SLC25A19: variants seen among roughly 807,000 people sequenced by gnomAD.
SLC25A19 encodes the protein solute carrier family 25 member 19, also known as mitochondrial thiamine pyrophosphate carrier.
A neutral mutation model predicts 27.9 loss-of-function variants in SLC25A19; 18 were observed. That is an observed-to-expected ratio of 0.64 (90% CI 0.45 to 0.96). The LOEUF (loss-of-function observed/expected upper bound fraction) is 0.96, where lower values mean the gene tolerates loss of function less well. Ranked by LOEUF, SLC25A19 falls within the 40% of genes least tolerant of loss-of-function variation. The probability of loss-of-function intolerance (pLI) is 0.00; values close to 1 mark genes in which losing one functional copy is unlikely to be tolerated. For synonymous variants in SLC25A19, 169 were observed against 167.1 expected (o/e 1.01, Z -0.09); for missense variants, 371 against 418.3 (o/e 0.89, Z 0.99).
chr17:75,277,342 G>A lies in SLC25A19; in HGVS notation c.774+11C>T, dbSNP rs1316957114. The A allele has an allele frequency of 1.2e-6, 2 of 1,612,582 alleles. No homozygotes were observed. The highest frequency in any genetic ancestry group is 1.7e-6 in the Non-Finnish European group (2 of 1,179,620). ...GGGTCAGAGCTGTCTGCCTGGGAGT[G>A]AACGGCTCACCTGGCCAAAGGCAGC... is the stretch of plus-strand genomic sequence containing the variant. On this transcript the variant is annotated intron_variant, in intron 7 of 7. Coordinates refer to ENST00000416858, the MANE Select transcript of SLC25A19 (RefSeq NM_001126121.2).
In SLC25A19 at chr17:75,278,234, G is replaced by C. The variant is rs750475474; in HGVS notation, c.561C>G (p.Pro187=). The change falls in exon 6 of 8, where the codon CCC becomes CCG. Residue 187 remains proline, a synonymous_variant. Transcript: ENST00000416858. ...GLAPTLIAIF[P]YAGLQFSCYS... is the part of the protein sequence containing the mutation. The stretch of plus-strand genomic sequence containing the variant: ...AGCAAGAGAACTGCAGCCCGGCGTA[G>C]GGGAAGATGGCGATCAAGGTGGGAG... 3 of 1,614,112 alleles carry C rather than the reference G, an allele frequency of 1.9e-6. No individual in the cohort carries two copies. The East Asian group carries it at 6.7e-5, about 36-fold the overall frequency.
intron 5 of SLC25A19, 43 bp downstream of exon 5, chr17:75,283,380 C>T: frequency 6.2e-7 from 1 of 1,601,628 alleles, no homozygotes; most frequent in Non-Finnish European, 8.5e-7. Flanking sequence ...GTGACAACAC[C>T]TTCCTTATTT....
rs2077789075 is a variant in SLC25A19, at chr17:75,273,759, A to AACT, written c.775-121_775-120insAGT. ...ACAAAGAAATGAATGCAAAATAGCA[A>AACT]ATTATTTTATTTTTTCGTTGAGGCA... On this transcript the variant is annotated intron_variant, in intron 7 of 7. Transcript: ENST00000416858. 8 of 656,838 alleles carry AACT rather than the reference A, an allele frequency of 1.2e-5. No homozygotes were observed. In the Admixed American group the frequency reaches 2.7e-4, roughly 22 times the overall value. 40.7% of individuals were successfully genotyped at this position (656,838 alleles called of 1,614,324 possible). A position where few individuals can be genotyped will look rare whatever the true frequency, so the allele number is the denominator to read the frequency against.
At chr17:75,273,666 T>C (rs549698689) in intron 7 of SLC25A19, 27 bp from the exon 8 acceptor site, 17 of 1,606,422 alleles carry the variant, frequency 1.1e-5, no homozygotes, top group Non-Finnish European at 1.3e-5. Flanking sequence ...GATGAAAATA[T>C]GGATGCCCGC....
At position 75,273,359 on chromosome 17, in the gene SLC25A19, A is replaced by G; in HGVS notation, c.*92T>C. On this transcript the variant is annotated 3_prime_UTR_variant, in exon 8 of 8. Transcript: ENST00000416858. ...ACCCCGCTTGGGGCAGCTGGCCTGC[A>G]GGGAAGGGCCAGACGGCACCTCTCA... is the stretch of plus-strand genomic sequence containing the variant. The G allele has an allele frequency of 7.0e-7, 1 of 1,432,516 alleles. No individual in the cohort carries two copies. The highest frequency in any genetic ancestry group is 2.0e-5 in the Admixed American group (1 of 51,122). The allele number at this position is 1,432,516 out of a possible 1,614,324, so 88.7% of individuals were successfully genotyped here.
intron 2 of SLC25A19, chr17:75,287,068 A>C: frequency 2.8e-6 from 1 of 360,364 alleles, no homozygotes; most frequent in South Asian, 2.3e-5. Context: ...AATAAAATAA[A>C]ATAGCACTTG....
At chr17:75,273,803 C>G (rs2077791527) in intron 7 of SLC25A19, 164 bp from the exon 8 acceptor site, 1 of 681,006 alleles carries the variant, frequency 1.5e-6, no homozygotes, top group South Asian at 1.7e-5. Flanking sequence ...CTCTGTTGCC[C>G]AGGCTGGAAT....
chr17:75,285,864 G>A (rs544518891), intron 4 of SLC25A19, among the ~76,000 whole-genome samples: 19 of 152,322 alleles, frequency 1.2e-4, no homozygotes, highest in Middle Eastern at 3.4e-3. Flanking sequence ...AACGAAGCAT[G>A]AGTTCTAACC....
chr17:75,276,270 C>T (rs2077884332), intron 7 of SLC25A19, among the ~76,000 whole-genome samples: 1 of 152,164 alleles, frequency 6.6e-6, no homozygotes. Flanking sequence ...AGCAAAACTC[C>T]GTTTCAAAAC....
In SLC25A19 at chr17:75,273,022, G is replaced by C. The variant is rs1945074839; in HGVS notation, c.*429C>G. On this transcript the variant is annotated 3_prime_UTR_variant, in exon 8 of 8. Coordinates refer to ENST00000416858, the MANE Select transcript of SLC25A19 (RefSeq NM_001126121.2). ...GTTTAGCTTTAATGTCTATTAAATAGGTTGGAAAAACAGGCCAAGTGTAGG... is the reference window on the plus strand; with the variant it reads ...GTTTAGCTTTAATGTCTATTAAATACGTTGGAAAAACAGGCCAAGTGTAGG... The C allele has an allele frequency of 3.1e-6, 1 of 325,100 alleles. No homozygotes were observed. The highest frequency in any genetic ancestry group is 2.1e-5 in the African/African-American group (1 of 46,514). The allele number at this position is 325,100 out of a possible 1,614,324, so 20.1% of individuals were successfully genotyped here.
rs573154434 is a variant in SLC25A19, at chr17:75,276,002, A to G, written c.774+1351T>C. On this transcript the variant is annotated intron_variant, in intron 7 of 7. Coordinates refer to ENST00000416858, the MANE Select transcript of SLC25A19 (RefSeq NM_001126121.2). ...TATATATATATATATGGCTGGGCAC[A>G]GTGGCTCATGCCTGTAATCCCAGCA... is the stretch of plus-strand genomic sequence containing the variant. Among the ~76,000 whole-genome samples, 27 of 147,756 alleles carry G rather than the reference A, an allele frequency of 1.8e-4. No individual in the cohort carries two copies. In the South Asian group the frequency reaches 5.7e-3, roughly 31 times the overall value.
At chr17:75,273,981 T>C (rs909380075) in intron 7 of SLC25A19, 37 of 339,438 alleles carry the variant, frequency 1.1e-4, no homozygotes, top group African/African-American at 7.3e-4. Flanking sequence ...AGGCTGGTCT[T>C]GAACTCCTGA....
intron 7 of SLC25A19, among the ~76,000 whole-genome samples, chr17:75,275,181 C>T (rs1471881559): frequency 2.6e-5 from 4 of 151,366 alleles, no homozygotes; most frequent in Non-Finnish European, 4.4e-5. Context: ...TTTGTAGAGA[C>T]GGGGTCTTGC....
rs377365568 is a variant in SLC25A19, at chr17:75,278,446, T to C, written c.460-111A>G. Reference sequence around the variant, plus strand: ...AAATACCAGCTACCAGGAGCGAAACTCCTCCTGCCAGGAAGACAGTCAAGG... The same window carrying C: ...AAATACCAGCTACCAGGAGCGAAACCCCTCCTGCCAGGAAGACAGTCAAGG... On this transcript the variant is annotated intron_variant, in intron 5 of 7. Transcript: ENST00000416858. 3.8e-4 allele frequency: 458 copies of C among 1,200,736 alleles called. 3 individuals carry two copies. The highest frequency in any genetic ancestry group is 3.2e-3 in the South Asian group (251 of 79,556). 74.4% of individuals were successfully genotyped at this position (1,200,736 alleles called of 1,614,324 possible).
Position 75,286,371 on chromosome 17 carries a change from C to CCCT in SLC25A19, c.218_220dup (p.Glu73dup). On this transcript the variant is annotated inframe_insertion, in exon 4 of 8. Coordinates refer to ENST00000416858, the MANE Select transcript of SLC25A19 (RefSeq NM_001126121.2). ...GTGTCCTTTCCAGAAAGCTGTCGGA[C>CCCT]CCTCCTCCTGCAGAATCTGCCTAGA... is the stretch of plus-strand genomic sequence containing the variant. 5 of 1,614,148 alleles carry CCCT rather than the reference C, an allele frequency of 3.1e-6. No individual in the cohort carries two copies. The highest frequency in any genetic ancestry group is 4.2e-6 in the Non-Finnish European group (5 of 1,180,036).
At chr17:75,284,633 CTTTTT>C (rs1555604197) in intron 4 of SLC25A19, among the ~76,000 whole-genome samples, 1 of 112,292 alleles carries the variant, frequency 8.9e-6, no homozygotes, top group African/African-American at 3.4e-5. Context: ...TCAGATCTTT[CTTTTT>C]TTTTTTTTTT....
chr17:75,280,940 A>C (rs1363846629), intron 5 of SLC25A19, among the ~76,000 whole-genome samples: 1 of 147,880 alleles, frequency 6.8e-6, no homozygotes, highest in Non-Finnish European at 1.5e-5. Context: ...AAAACAAACA[A>C]ACAACAACCA....
chr17:75,286,236 C>A (rs1418041319), intron 4 of SLC25A19, 68 bp downstream of exon 4: 5 of 1,589,346 alleles, frequency 3.1e-6, no homozygotes, highest in Non-Finnish European at 4.3e-6. Flanking sequence ...CTGCTTGCCT[C>A]ACCCTCCCTC....
rs943804938 is a variant in SLC25A19 at position 75,273,292 on chromosome 17, G to A, written c.*159C>T. 31 of 701,660 alleles carry A rather than the reference G, an allele frequency of 4.4e-5. No homozygotes were observed. The African/African-American group carries it at 5.1e-4, about 12-fold the overall frequency. The allele number at this position is 701,660 out of a possible 1,614,324, so 43.5% of individuals were successfully genotyped here. The stretch of plus-strand genomic sequence containing the variant: ...TGATTCTCTCATGGGGAGAGCCCTG[G>A]ACCTTCTGGTGGTGTCCCAGCTGGG... On this transcript the variant is annotated 3_prime_UTR_variant, in exon 8 of 8. Coordinates refer to ENST00000416858, the MANE Select transcript of SLC25A19 (RefSeq NM_001126121.2).
Sources: allele counts gnomAD v4.1 joint callset (sites outside exome capture counted in the v4.1 genomes callset), GRCh38; gene constraint gnomAD v4.1.1; transcripts MANE v1.5; gene names NCBI Gene and HGNC (gene_info 2026-07-23, HGNC 2026-07-21).